PDE1A: variants seen among roughly 807,000 people sequenced by gnomAD.
PDE1A encodes the protein dual specificity calcium/calmodulin-dependent 3',5'-cyclic nucleotide phosphodiesterase 1A.
A neutral mutation model predicts 61.7 loss-of-function variants in PDE1A; 35 were observed. The observed-to-expected ratio is 0.57, with a 90% CI of 0.43 to 0.75. The LOEUF (loss-of-function observed/expected upper bound fraction) is 0.75. PDE1A is among the 30% of genes least tolerant of loss of function. PDE1A has a pLI of 0.00. For synonymous variants in PDE1A, 232 were observed against 213.2 expected, an observed-to-expected ratio of 1.09 and a Z score of -0.77; for missense variants, 597 against 630.6, an observed-to-expected ratio of 0.95 and a Z score of 0.57.
chr2:182,562,231 C>G, the PDE1A span, among the ~76,000 whole-genome samples: 2 of 152,254 alleles, frequency 1.3e-5, no homozygotes, highest in South Asian at 4.2e-4. Context: ...TACGTCTCAT[C>G]AATACCTAAT....
intron 2 of PDE1A, among the ~76,000 whole-genome samples, chr2:182,487,440 A>T (rs1171223470): frequency 1.3e-5 from 2 of 152,200 alleles, no homozygotes; most frequent in East Asian, 3.9e-4. Flanking sequence ...AAAAACATAT[A>T]TTTATACAAT....
chr2:182,698,475 T>A, the PDE1A span, among the ~76,000 whole-genome samples: 14 of 152,182 alleles, frequency 9.2e-5, no homozygotes, highest in African/African-American at 2.7e-4. Flanking sequence ...AGTGGTTAAA[T>A]AAATTATGCT....
intron 2 of PDE1A, among the ~76,000 whole-genome samples, chr2:182,445,125 A>T (rs768180381): frequency 1.3e-5 from 2 of 152,160 alleles, no homozygotes; most frequent in Non-Finnish European, 2.9e-5. Flanking sequence ...GTGATTGATC[A>T]TATTTTCCCC....
chr2:182,143,469 A>C (rs1690325103), downstream of PDE1A, among the ~76,000 whole-genome samples: 1 of 152,080 alleles, frequency 6.6e-6, no homozygotes, highest in African/African-American at 2.4e-5. Context: ...CTTGTCAAAA[A>C]TAAGGGCTTT....
intron 1 of PDE1A, among the ~76,000 whole-genome samples, chr2:182,405,027 GGTTT>G (rs2125477086): frequency 6.6e-6 from 1 of 152,280 alleles, no homozygotes; most frequent in African/African-American, 2.4e-5. Context: ...CAGTGCAGTA[GGTTT>G]GTTTACATCA....
intron 13 of PDE1A, 46 bp downstream of exon 13, chr2:182,185,846 G>A: frequency 6.2e-7 from 1 of 1,611,680 alleles, no homozygotes; most frequent in Non-Finnish European, 8.5e-7. Context: ...TAGAGGAGAA[G>A]TGAAGACAGA....
chr2:182,151,423 T>C (rs1690774593), intron 13 of PDE1A, among the ~76,000 whole-genome samples: 1 of 152,088 alleles, frequency 6.6e-6, no homozygotes, highest in Non-Finnish European at 1.5e-5. Context: ...AGCAATCTTA[T>C]AAAGTAAGGT....
At chr2:182,702,943 G>A in the PDE1A span, among the ~76,000 whole-genome samples, 5 of 152,146 alleles carry the variant, frequency 3.3e-5, no homozygotes, top group Non-Finnish European at 2.9e-5. Context: ...TTTCAGATAG[G>A]AAAATCACAC....
intron 1 of PDE1A, among the ~76,000 whole-genome samples, chr2:182,391,855 T>C (rs1701442022): frequency 6.6e-6 from 1 of 152,198 alleles, no homozygotes; most frequent in Admixed American, 6.5e-5. Context: ...GCCTGCTGTA[T>C]TCTTACATAA....
chr2:182,562,508 A>G, the PDE1A span, among the ~76,000 whole-genome samples: 2 of 151,678 alleles, frequency 1.3e-5, no homozygotes, highest in African/African-American at 2.4e-5. Context: ...ATATTGGTCT[A>G]AAATTCTCTT....
chr2:182,460,472 C>CA (rs1686208872), intron 2 of PDE1A, among the ~76,000 whole-genome samples: 1 of 152,138 alleles, frequency 6.6e-6, no homozygotes, highest in African/African-American at 2.4e-5. Flanking sequence ...CTCCTGGGCT[C>CA]AAAGAATCCT....
intron 2 of PDE1A, among the ~76,000 whole-genome samples, chr2:182,438,422 T>C (rs1183827527): frequency 6.6e-6 from 1 of 151,984 alleles, no homozygotes; most frequent in Non-Finnish European, 1.5e-5. Context: ...AATTTTTAAA[T>C]CTTGAAATAT....
chr2:182,460,589 G>C (rs55640520), intron 2 of PDE1A, among the ~76,000 whole-genome samples: 5,562 of 152,104 alleles, frequency 0.037, 129 homozygotes, highest in Middle Eastern at 0.075. Flanking sequence ...TGTTTCCTTT[G>C]CTCGACTAAA....
At chr2:182,171,614 A>T (rs1559134777) in intron 13 of PDE1A, among the ~76,000 whole-genome samples, 1 of 151,806 alleles carries the variant, frequency 6.6e-6, no homozygotes, top group Non-Finnish European at 1.5e-5. Context: ...TTAAGACAAC[A>T]GAGCTTCCAA....
the PDE1A span, among the ~76,000 whole-genome samples, chr2:182,555,013 T>C: frequency 1.3e-5 from 2 of 152,228 alleles, no homozygotes; most frequent in African/African-American, 4.8e-5. Flanking sequence ...TATAAAGCCC[T>C]GTCAGTAATA....
At chr2:182,370,449 AGAAGAGCT>A (rs1700069769) in intron 1 of PDE1A, among the ~76,000 whole-genome samples, 1 of 152,210 alleles carries the variant, frequency 6.6e-6, no homozygotes, top group Admixed American at 6.5e-5. Flanking sequence ...TGGGGAATCA[AGAAGAGCT>A]GACTGTGCCT....
intron 2 of PDE1A, among the ~76,000 whole-genome samples, chr2:182,491,573 TA>T (rs2125883917): frequency 6.6e-6 from 1 of 152,280 alleles, no homozygotes; most frequent in African/African-American, 2.4e-5. Flanking sequence ...CCAGCATACT[TA>T]CTTCTGGACA....
the PDE1A span, among the ~76,000 whole-genome samples, chr2:182,682,258 G>C: frequency 9.9e-5 from 15 of 152,140 alleles, no homozygotes; most frequent in African/African-American, 3.4e-4. Flanking sequence ...GACTTTAATC[G>C]GGAGCTGTGT....
the PDE1A span, among the ~76,000 whole-genome samples, chr2:182,654,029 AT>A: frequency 1.3e-5 from 2 of 152,174 alleles, no homozygotes; most frequent in Admixed American, 6.5e-5. Context: ...CACAGACTAT[AT>A]TTTTATAGAC....
Sources: gnomAD v4.1 joint callset for allele counts (sites outside exome capture counted in the v4.1 genomes callset) on GRCh38, gnomAD v4.1.1 for gene constraint, MANE v1.5 for transcripts, NCBI Gene and HGNC (gene_info 2026-07-23, HGNC 2026-07-21) for gene names.